NALCN: variants seen among roughly 807,000 people sequenced by gnomAD.
NALCN encodes the protein sodium leak channel NALCN.
In NALCN, 111 loss-of-function variants were observed where a neutral mutation model predicts 225.3. That is an observed-to-expected ratio of 0.49 (90% confidence interval 0.42 to 0.58). NALCN has a LOEUF of 0.58. Among genes scored for constraint, NALCN ranks in the 20% least tolerant of loss-of-function variants. The pLI, the probability that NALCN is intolerant of heterozygous loss-of-function variation, is 0.00. For missense variants in NALCN, 1,378 were observed against 2,202.4 expected (o/e 0.63, Z 7.49); for synonymous variants, 764 against 769.0 (o/e 0.99, Z 0.11).
chr13:101,289,907 C>T (rs989064440), intron 9 of NALCN, among the ~76,000 whole-genome samples: 2 of 152,164 alleles, frequency 1.3e-5, no homozygotes, highest in Non-Finnish European at 2.9e-5. Flanking sequence ...AGGGCCCACT[C>T]GCAAGTGGCT....
At chr13:101,300,557 T>C (rs2043928690) in intron 7 of NALCN, among the ~76,000 whole-genome samples, 4 of 152,076 alleles carry the variant, frequency 2.6e-5, no homozygotes, top group Admixed American at 2.6e-4. Context: ...TTCAACCAAT[T>C]TTCTGCCTCA....
At chr13:101,360,644 C>T (rs565209468) in intron 6 of NALCN, among the ~76,000 whole-genome samples, 4 of 152,264 alleles carry the variant, frequency 2.6e-5, no homozygotes, top group South Asian at 2.1e-4. Context: ...ATGCCCCTGA[C>T]GACTCCAACC....
chr13:101,118,001 G>A (rs1327110366), intron 18 of NALCN, among the ~76,000 whole-genome samples: 3 of 152,136 alleles, frequency 2.0e-5, no homozygotes, highest in African/African-American at 2.4e-5. Context: ...TATAATGATA[G>A]ATACACATCA....
chr13:101,193,259 G>A (rs914660868), intron 13 of NALCN, among the ~76,000 whole-genome samples: 1 of 152,130 alleles, frequency 6.6e-6, no homozygotes, highest in Non-Finnish European at 1.5e-5. Context: ...CCTGCATTCA[G>A]TGAAGTCTAC....
intron 10 of NALCN, among the ~76,000 whole-genome samples, chr13:101,270,159 A>G (rs1357989686): frequency 6.6e-6 from 1 of 152,216 alleles, no homozygotes; most frequent in African/African-American, 2.4e-5. Context: ...TAGTTACTGA[A>G]TAATCTCAAC....
chr13:101,236,400 A>C (rs1221857007), intron 12 of NALCN, among the ~76,000 whole-genome samples: 1 of 152,170 alleles, frequency 6.6e-6, no homozygotes, highest in African/African-American at 2.4e-5. Context: ...TGACCCAGCC[A>C]TCCCATTACT....
At chr13:101,257,212 T>TTG (rs2042264069) in intron 11 of NALCN, among the ~76,000 whole-genome samples, 1 of 146,180 alleles carries the variant, frequency 6.8e-6, no homozygotes, top group South Asian at 2.1e-4. Flanking sequence ...GTTTATTGTT[T>TTG]TTTTTTTTTT....
chr13:101,153,479 T>C (rs1337945718), intron 15 of NALCN, among the ~76,000 whole-genome samples: 4 of 152,242 alleles, frequency 2.6e-5, no homozygotes, highest in Admixed American at 2.6e-4. Flanking sequence ...CTCAAGACTC[T>C]TGGTTGTAAA....
In NALCN at chr13:101,055,417, C is replaced by T; in HGVS notation, c.5095G>A (p.Val1699Ile). Residue 1699 changes from valine to isoleucine, a missense_variant, in exon 44 of 44, where the codon GTC becomes ATC. Val to Ile is a conservative substitution (Grantham distance 29). Transcript: ENST00000251127. ...GTCATGGGGTTCATTTTGCACACGACAGATTTCATGGTTGTCCTTCCTCCA... is the reference window on the plus strand; with the variant it reads ...GTCATGGGGTTCATTTTGCACACGATAGATTTCATGGTTGTCCTTCCTCCA... ...RFGGRTTMKSVVCKMNPMTDA... is the reference protein window; with the variant it reads ...RFGGRTTMKSIVCKMNPMTDA... 2 of 1,614,146 alleles carry T rather than the reference C, an allele frequency of 1.2e-6. No homozygotes were observed. Among genetic ancestry groups the T allele is most frequent in the South Asian group, 2.2e-5 (2 of 91,076 alleles).
chr13:101,269,866 A>G (rs2042718650), intron 10 of NALCN, among the ~76,000 whole-genome samples: 1 of 152,204 alleles, frequency 6.6e-6, no homozygotes, highest in Non-Finnish European at 1.5e-5. Context: ...AAAAATTAAG[A>G]ATGAAAATGC....
At chr13:101,162,883 C>T (rs1166821819) in intron 15 of NALCN, among the ~76,000 whole-genome samples, 2 of 152,074 alleles carry the variant, frequency 1.3e-5, no homozygotes, top group African/African-American at 2.4e-5. Context: ...GCACATCTTC[C>T]CTCCAAATCC....
chr13:101,376,401 C>G (rs1298238489), intron 6 of NALCN, among the ~76,000 whole-genome samples: 2 of 152,038 alleles, frequency 1.3e-5, no homozygotes, highest in Non-Finnish European at 2.9e-5. Context: ...CCTGTAGTCC[C>G]AGCTACTTGG....
intron 43 of NALCN, 90 bp downstream of exon 43, chr13:101,057,849 G>C (rs1343431980): frequency 2.0e-6 from 2 of 984,644 alleles, no homozygotes; most frequent in African/African-American, 3.2e-5. Flanking sequence ...ATGCAGACTT[G>C]CATTTTGAAA....
chr13:101,188,543 A>G (rs2039540428), intron 14 of NALCN, among the ~76,000 whole-genome samples: 1 of 151,842 alleles, frequency 6.6e-6, no homozygotes, highest in Non-Finnish European at 1.5e-5. Flanking sequence ...TAAGTTTAAA[A>G]TACTATATGT....
rs1281208615 is a variant in NALCN at position 101,107,741 on chromosome 13, T to C, written c.2413A>G (p.Ile805Val). The C allele has an allele frequency of 6.2e-7, 1 of 1,613,916 alleles. No individual in the cohort carries two copies. The part of the protein sequence containing the change: ...YRNAQREDSE[I>V]KMIQEKKEQA... The stretch of plus-strand genomic sequence containing the variant: ...TCCTTTTTTTCCTGAATCATCTTTA[T>C]TTCACTGTCTTCTCTTTGTGCATTT... The change falls in exon 21 of 44, where the codon ATA becomes GTA. Residue 805 changes from isoleucine (I) to valine (V), a missense_variant. This residue lies in a region of NALCN where 2 missense variants were observed against 19.8 expected (regional missense o/e 0.10). Coordinates refer to ENST00000251127, the MANE Select transcript of NALCN (RefSeq NM_052867.4).
chr13:101,251,666 C>T (rs2042067299), intron 11 of NALCN, among the ~76,000 whole-genome samples: 2 of 152,004 alleles, frequency 1.3e-5, no homozygotes, highest in South Asian at 4.1e-4. Context: ...GAAAAAGAAT[C>T]CTGCAAAATA....
At chr13:101,094,602 A>G (rs2034406866) in intron 28 of NALCN, among the ~76,000 whole-genome samples, 1 of 152,142 alleles carries the variant, frequency 6.6e-6, no homozygotes, top group East Asian at 1.9e-4. Context: ...GGATATTCTC[A>G]TGTCTCACAT....
At chr13:101,138,328 A>G (rs1316428531) in intron 17 of NALCN, among the ~76,000 whole-genome samples, 2 of 152,244 alleles carry the variant, frequency 1.3e-5, no homozygotes, top group African/African-American at 2.4e-5. Flanking sequence ...AACAAAACAT[A>G]GTCATTCCAA....
chr13:101,197,624 C>T (rs2140026083), intron 13 of NALCN, among the ~76,000 whole-genome samples: 2 of 152,262 alleles, frequency 1.3e-5, no homozygotes, highest in South Asian at 4.1e-4. Context: ...GCTGCAGATG[C>T]CTCCCTGCTG....
Sources: allele counts gnomAD v4.1 joint callset (sites outside exome capture counted in the v4.1 genomes callset), GRCh38; gene constraint gnomAD v4.1.1; regional missense constraint gnomAD v4.1.1; transcripts MANE v1.5; gene names NCBI Gene and HGNC (gene_info 2026-07-23, HGNC 2026-07-21).